Variants in FAM3B observed in about 807,000 individuals in gnomAD.
The protein encoded by FAM3B is FAM3 metabolism regulating signaling molecule B.
FAM3B carries 29 observed loss-of-function variants against 28.4 expected under a neutral mutation model. The observed-to-expected ratio is 1.02, with a 90% CI of 0.76 to 1.39. The LOEUF (loss-of-function observed/expected upper bound fraction) is 1.39. Among genes scored for constraint, FAM3B ranks in the 40% most tolerant of loss-of-function variants. The pLI is 0.00. For missense variants in FAM3B, 266 were observed against 293.9 expected, an observed-to-expected ratio of 0.91 and a Z score of 0.69; for synonymous variants, 91 against 103.0, an observed-to-expected ratio of 0.88 and a Z score of 0.71.
chr21:41,316,740 C>T, upstream of FAM3B: 2 of 777,242 alleles, frequency 2.6e-6, no homozygotes, highest in Non-Finnish European at 1.8e-6. Context: ...GCCATTTGCC[C>T]GACTGGCCGC....
At chr21:41,348,961 T>C (rs760367425) in intron 7 of FAM3B, among the ~76,000 whole-genome samples, 2 of 152,140 alleles carry the variant, frequency 1.3e-5, no homozygotes, top group Non-Finnish European at 2.9e-5. Flanking sequence ...GCCAACATGG[T>C]CTGTCCTGGG....
intron 1 of FAM3B, among the ~76,000 whole-genome samples, chr21:41,308,217 A>T (rs1018999997): frequency 6.6e-6 from 1 of 152,226 alleles, no homozygotes; most frequent in African/African-American, 2.4e-5. Flanking sequence ...CCTCATTTGC[A>T]TCCAGGATTA....
intron 2 of FAM3B, among the ~76,000 whole-genome samples, chr21:41,334,692 G>T (rs967102090): frequency 3.3e-5 from 5 of 152,310 alleles, no homozygotes; most frequent in Admixed American, 3.3e-4. Flanking sequence ...GGGGAAATGT[G>T]GGGTTTGAGC....
At chr21:41,331,562 G>A (rs2088905912) in intron 2 of FAM3B, among the ~76,000 whole-genome samples, 1 of 152,058 alleles carries the variant, frequency 6.6e-6, no homozygotes, top group South Asian at 2.1e-4. Flanking sequence ...TAATTTCATG[G>A]TTTCAGGTTT....
In FAM3B at chr21:41,338,375, C is replaced by G; in HGVS notation, c.164-3C>G. On this transcript the variant is annotated splice_region_variant and splice_polypyrimidine_tract_variant and intron_variant, in intron 2 of 7. Coordinates refer to ENST00000357985, the MANE Select transcript of FAM3B (RefSeq NM_058186.4). Reference sequence around the variant, plus strand: ...TGGCTATATACTTTCTTATTCATTACAGCTCCAGTCCCCAAAAGGCAAAAA... The same window carrying G: ...TGGCTATATACTTTCTTATTCATTAGAGCTCCAGTCCCCAAAAGGCAAAAA... 5 of 1,614,076 alleles carry G rather than the reference C, an allele frequency of 3.1e-6. No homozygotes were observed. Among genetic ancestry groups the G allele is most frequent in the Non-Finnish European group, 4.2e-6 (5 of 1,179,970 alleles).
At chr21:41,354,198 A>G (rs2089144617) in intron 7 of FAM3B, among the ~76,000 whole-genome samples, 1 of 150,494 alleles carries the variant, frequency 6.6e-6, no homozygotes, top group Non-Finnish European at 1.5e-5. Flanking sequence ...GGAAGTGTAA[A>G]TTAGTTCAAC....
Position 41,316,878 on chromosome 21 carries a change from A to C in FAM3B, c.-2A>C. ...GGCCAGGAGGGGAGCGGCACCTGGA[A>C]GATGCGCCCATTGGCTGGTGGTGAG... On this transcript the variant is annotated 5_prime_UTR_variant, in exon 1 of 8. Transcript: ENST00000357985. 1 of 1,410,336 alleles carries C rather than the reference A, an allele frequency of 7.1e-7. No individual in the cohort carries two copies. Among genetic ancestry groups the C allele is most frequent in the Non-Finnish European group, 9.2e-7 (1 of 1,084,556 alleles). The allele number at this position is 1,410,336 out of a possible 1,614,324, so 87.4% of individuals were successfully genotyped here.
intron 2 of FAM3B, 35 bp downstream of exon 2, chr21:41,323,101 A>G (rs777545853): frequency 2.5e-6 from 4 of 1,596,330 alleles, no homozygotes; most frequent in African/African-American, 2.7e-5. Context: ...GGCTGCCTTC[A>G]TGGCTTGTGT....
At chr21:41,340,680 T>A (rs1396460711) in intron 3 of FAM3B, among the ~76,000 whole-genome samples, 1 of 152,224 alleles carries the variant, frequency 6.6e-6, no homozygotes, top group African/African-American at 2.4e-5. Context: ...TTCCATTTGC[T>A]TTCAATGCTA....
intron 3 of FAM3B, among the ~76,000 whole-genome samples, chr21:41,340,747 A>T (rs933872149): frequency 1.3e-5 from 2 of 152,188 alleles, no homozygotes; most frequent in Non-Finnish European, 2.9e-5. Context: ...TTTGGTTCAG[A>T]AATCAACATT....
At chr21:41,348,541 C>T (rs750483423) in intron 6 of FAM3B, 51 bp from the exon 7 acceptor site, 1 of 1,605,064 alleles carries the variant, frequency 6.2e-7, no homozygotes, top group Non-Finnish European at 8.5e-7. Flanking sequence ...GAGTTCCTCT[C>T]CTCTCCACGT....
chr21:41,335,016 G>A (rs758001760), intron 2 of FAM3B, among the ~76,000 whole-genome samples: 6 of 152,226 alleles, frequency 3.9e-5, no homozygotes, highest in Non-Finnish European at 8.8e-5. Context: ...TTGGACTCGT[G>A]TGGGGCCTGT....
At chr21:41,334,434 C>G (rs1336968806) in intron 2 of FAM3B, among the ~76,000 whole-genome samples, 1 of 152,160 alleles carries the variant, frequency 6.6e-6, no homozygotes, top group Non-Finnish European at 1.5e-5. Flanking sequence ...AGACACTGTT[C>G]CCTGCATCTC....
chr21:41,343,817 G>T (rs567461813), intron 3 of FAM3B, among the ~76,000 whole-genome samples: 1 of 152,116 alleles, frequency 6.6e-6, no homozygotes, highest in South Asian at 2.1e-4. Flanking sequence ...CAATTTAAAG[G>T]TTAAAAATTA....
chr21:41,341,825 T>C (rs1414450199), intron 3 of FAM3B, among the ~76,000 whole-genome samples: 1 of 152,174 alleles, frequency 6.6e-6, no homozygotes, highest in South Asian at 2.1e-4. Flanking sequence ...TTGTTGAGTG[T>C]TTTTTTGAAG....
At chr21:41,332,159 C>G (rs77462192) in intron 2 of FAM3B, among the ~76,000 whole-genome samples, 7,431 of 152,268 alleles carry the variant, frequency 0.049, 448 homozygotes, top group African/African-American at 0.14. Context: ...GCCGCTCTAT[C>G]TCACTTGCTC....
At chr21:41,345,803 A>G in intron 5 of FAM3B, 67 bp downstream of exon 5, 2 of 1,027,426 alleles carry the variant, frequency 1.9e-6, no homozygotes. Context: ...AAAAAGCACA[A>G]AGAAAAATGT....
At chr21:41,356,712 A>G (rs534605608) in intron 7 of FAM3B, among the ~76,000 whole-genome samples, 20 of 152,372 alleles carry the variant, frequency 1.3e-4, no homozygotes, top group Admixed American at 7.8e-4. Context: ...GTATAAATAT[A>G]TGGGTAGAAG....
At chr21:41,341,010 A>G (rs1406189300) in intron 3 of FAM3B, among the ~76,000 whole-genome samples, 1 of 152,202 alleles carries the variant, frequency 6.6e-6, no homozygotes, top group Non-Finnish European at 1.5e-5. Flanking sequence ...GTGTGTATGA[A>G]TATGTGTGCA....
Sources: allele counts gnomAD v4.1 joint callset (sites outside exome capture counted in the v4.1 genomes callset), GRCh38; gene constraint gnomAD v4.1.1; transcripts MANE v1.5; gene names NCBI Gene and HGNC (gene_info 2026-07-23, HGNC 2026-07-21).